PCDHGB2: variants seen among roughly 807,000 people sequenced by gnomAD.
PCDHGB2 encodes protocadherin gamma subfamily B, 2, also known as protocadherin gamma-B2.
Under a neutral mutation model 59.3 loss-of-function variants are expected in PCDHGB2, and 55 were observed. The observed-to-expected ratio is 0.93, with a 90% CI of 0.75 to 1.16. The LOEUF is 1.16. Ranked by LOEUF, PCDHGB2 falls within the 50% of genes most tolerant of loss-of-function variation. The pLI is 0.00. For missense variants in PCDHGB2, 1,228 were observed against 1,198.5 expected, an observed-to-expected ratio of 1.02 and a Z score of -0.36; for synonymous variants, 516 against 512.0, an observed-to-expected ratio of 1.01 and a Z score of -0.11.
chr5:141,383,388 C>A (rs764387936), intron 1 of PCDHGB2: 106 of 1,613,860 alleles, frequency 6.6e-5, no homozygotes, highest in Non-Finnish European at 8.6e-5. Flanking sequence ...CAGATGTGGG[C>A]ACGAACTCCC....
chr5:141,481,257 A>T (rs2099534664), intron 1 of PCDHGB2, among the ~76,000 whole-genome samples: 1 of 152,172 alleles, frequency 6.6e-6, no homozygotes, highest in African/African-American at 2.4e-5. Context: ...GCTCTAAAAG[A>T]TCACTGTAGG....
intron 1 of PCDHGB2, chr5:141,394,262 G>A: frequency 6.2e-7 from 1 of 1,613,952 alleles, no homozygotes; most frequent in Non-Finnish European, 8.5e-7. Flanking sequence ...ACAGCCAGGA[G>A]AATGCCCAGG....
chr5:141,483,245 A>G (rs2099578786), intron 1 of PCDHGB2, among the ~76,000 whole-genome samples: 1 of 151,456 alleles, frequency 6.6e-6, no homozygotes, highest in Non-Finnish European at 1.5e-5. Flanking sequence ...TGATATGCAT[A>G]TATCATGAGG....
intron 1 of PCDHGB2, among the ~76,000 whole-genome samples, chr5:141,464,442 G>A (rs890758574): frequency 3.3e-5 from 5 of 151,500 alleles, no homozygotes; most frequent in African/African-American, 1.2e-4. Flanking sequence ...TATGTTTGTT[G>A]TTGTTGTTGT....
rs773729429 is a variant in PCDHGB2, at chr5:141,491,406, C to T, written c.2422-3401C>T. ...CGAAGTGCCTTCAGGGAAACGCAGA[C>T]GGGGACGGGGGTGGAGGGCAGTGCT... On this transcript the variant is annotated intron_variant, in intron 1 of 3. Transcript: ENST00000522605. The surrounding 1 kb of genome is among the most constrained non-coding windows in gnomAD (Gnocchi z 6.9). The T allele has an allele frequency of 1.2e-6, 2 of 1,614,096 alleles. No homozygotes were observed. The highest frequency in any genetic ancestry group is 1.7e-6 in the Non-Finnish European group (2 of 1,179,990).
intron 1 of PCDHGB2, among the ~76,000 whole-genome samples, chr5:141,468,952 G>GTT (rs34870721): frequency 3.3e-5 from 5 of 151,198 alleles, no homozygotes; most frequent in Admixed American, 6.6e-5. Flanking sequence ...TAAACCTGTG[G>GTT]TTTTTTTTAC....
chr5:141,482,593 G>A (rs1314658005), intron 1 of PCDHGB2, among the ~76,000 whole-genome samples: 4 of 149,900 alleles, frequency 2.7e-5, no homozygotes, highest in Non-Finnish European at 5.9e-5. Flanking sequence ...GGGACCAAAC[G>A]GGAAAAAACA....
In PCDHGB2 at chr5:141,398,254, A is replaced by G. The variant is rs868152545; in HGVS notation, c.2421+35698A>G. 5.5e-6 allele frequency: 8 copies of G among 1,465,970 alleles called. No homozygotes were observed. In the African/African-American group the frequency reaches 8.6e-5, roughly 16 times the overall value. The allele number at this position is 1,465,970 out of a possible 1,614,324, so 90.8% of individuals were successfully genotyped here. On this transcript the variant is annotated intron_variant, in intron 1 of 3. Transcript: ENST00000522605. ...CTACAGGATTCCCGAGGAAATGCCC[A>G]AGGGCTCCGTAGTGGGGAACCTCGC... is the stretch of plus-strand genomic sequence containing the variant.
At chr5:141,457,280 A>G (rs964027392) in intron 1 of PCDHGB2, among the ~76,000 whole-genome samples, 2 of 152,196 alleles carry the variant, frequency 1.3e-5, no homozygotes, top group Admixed American at 1.3e-4. Context: ...TGGGCCTACG[A>G]AGTTCCTTGG....
At chr5:141,427,765 T>C (rs1331334394) in intron 1 of PCDHGB2, 3 of 1,387,170 alleles carry the variant, frequency 2.2e-6, no homozygotes, top group Non-Finnish European at 2.0e-6. Context: ...ACCACTGACT[T>C]GGAGCTGCGG....
chr5:141,451,860 C>T, intron 1 of PCDHGB2, among the ~76,000 whole-genome samples: 1 of 151,832 alleles, frequency 6.6e-6, no homozygotes, highest in Non-Finnish European at 1.5e-5. Flanking sequence ...CAGCCTAGGC[C>T]ACAGAATGAA....
At position 141,511,516 on chromosome 5, in the gene PCDHGB2, T is replaced by A. The variant is rs2099883825; in HGVS notation, c.*343T>A. ...CTTCCAAATCAATCAGGCCCATCCA[T>A]CCCATGCCTCCCTCCTCCCCACCCC... is the stretch of plus-strand genomic sequence containing the variant. On this transcript the variant is annotated 3_prime_UTR_variant, in exon 4 of 4. Transcript: ENST00000522605. 1 of 365,020 alleles carries A rather than the reference T, an allele frequency of 2.7e-6. No individual in the cohort carries two copies. Among genetic ancestry groups the A allele is most frequent in the Admixed American group, 4.0e-5 (1 of 25,162 alleles). The allele number at this position is 365,020 out of a possible 1,614,324, so 22.6% of individuals were successfully genotyped here.
At chr5:141,502,300 TTCCTC>T (rs139569110) in intron 2 of PCDHGB2, among the ~76,000 whole-genome samples, 4,853 of 152,256 alleles carry the variant, frequency 0.032, 250 homozygotes, top group African/African-American at 0.11. Flanking sequence ...TGTCACGTCT[TTCCTC>T]TCCTTTAATC....
chr5:141,370,734 T>G (rs1056339551), intron 1 of PCDHGB2: 2 of 1,613,896 alleles, frequency 1.2e-6, no homozygotes, highest in Non-Finnish European at 1.7e-6. Context: ...TGAAAAGCCT[T>G]TAAACTTTTT....
At chr5:141,414,788 C>T in intron 1 of PCDHGB2, 1 of 1,614,222 alleles carries the variant, frequency 6.2e-7, no homozygotes, top group Non-Finnish European at 8.5e-7. Flanking sequence ...CAGGTGACAG[C>T]CAGCGACAGC....
chr5:141,462,431 T>G (rs1345184304), intron 1 of PCDHGB2, among the ~76,000 whole-genome samples: 1 of 152,246 alleles, frequency 6.6e-6, no homozygotes, highest in East Asian at 1.9e-4. Context: ...TGGTGAGTGT[T>G]GCTTACACAC....
chr5:141,392,976 G>T (rs892304367), intron 1 of PCDHGB2: 1 of 1,613,866 alleles, frequency 6.2e-7, no homozygotes, highest in South Asian at 1.1e-5. Flanking sequence ...CCTGGGGCTG[G>T]ACCCCCGGAA....
chr5:141,503,763 T>C (rs1014883264), intron 2 of PCDHGB2, among the ~76,000 whole-genome samples: 1 of 152,174 alleles, frequency 6.6e-6, no homozygotes, highest in Non-Finnish European at 1.5e-5. Context: ...ATGGCAGCCT[T>C]GTGTCTGTTC....
intron 1 of PCDHGB2, chr5:141,419,426 G>C: frequency 6.2e-7 from 1 of 1,613,312 alleles, no homozygotes; most frequent in Non-Finnish European, 8.5e-7. Flanking sequence ...CTTCGACCAC[G>C]AGCAGCTGCG....
Sources: allele counts gnomAD v4.1 joint callset (sites outside exome capture counted in the v4.1 genomes callset), GRCh38; gene constraint gnomAD v4.1.1; non-coding constraint Gnocchi (gnomAD v3.1); transcripts MANE v1.5; gene names NCBI Gene and HGNC (gene_info 2026-07-23, HGNC 2026-07-21).